TNRC6B: variants seen among roughly 807,000 people sequenced by gnomAD.
TNRC6B encodes trinucleotide repeat-containing gene 6B protein.
A neutral mutation model predicts 203.6 loss-of-function variants in TNRC6B; 52 were observed. That is an observed-to-expected ratio of 0.26 (90% CI 0.20 to 0.32). The LOEUF is 0.32. TNRC6B is among the 10% of genes least tolerant of loss of function. The pLI is 1.00. For synonymous variants in TNRC6B, 838 were observed against 845.7 expected, an observed-to-expected ratio of 0.99 and a Z score of 0.16; for missense variants, 1,923 against 2,286.2, an observed-to-expected ratio of 0.84 and a Z score of 3.24.
rs984655237 is a variant in TNRC6B, at chr22:40,334,305, G to T, written c.*11064G>T. On this transcript the variant is annotated 3_prime_UTR_variant, in exon 23 of 23. Transcript: ENST00000454349. ...ACCGTGAATGTGCTCACAGAGACACGTGCACAAGATTCTGCACCCTTGGCC... is the reference window on the plus strand; with the variant it reads ...ACCGTGAATGTGCTCACAGAGACACTTGCACAAGATTCTGCACCCTTGGCC... 6.6e-6 allele frequency: 1 copy of T among 152,570 alleles called. No homozygotes were observed. Among genetic ancestry groups the T allele is most frequent in the Non-Finnish European group, 1.5e-5 (1 of 68,052 alleles). The allele number at this position is 152,570 out of a possible 1,614,324, so 9.5% of individuals were successfully genotyped here. A position where few individuals can be genotyped will look rare whatever the true frequency, so the allele number is the denominator to read the frequency against.
chr22:40,265,044 A>C lies in TNRC6B; in HGVS notation c.814A>C (p.Asn272His). The stretch of plus-strand genomic sequence containing the variant: ...TAAGGCTAAATCTGTTCAATCTTCC[A>C]ACTCTACTACAGAGAACAACAATGG... The part of the protein sequence containing the change: ...DPKAKSVQSS[N>H]STTENNNGLG... Residue 272 changes from asparagine (N) to histidine (H), a missense_variant, in exon 5 of 23, where the codon AAC becomes CAC. Asn to His is a moderately conservative substitution (Grantham distance 68, BLOSUM62 1). Transcript: ENST00000454349. 6.2e-7 allele frequency: 1 copy of C among 1,614,026 alleles called. No individual in the cohort carries two copies. Among genetic ancestry groups the C allele is most frequent in the Non-Finnish European group, 8.5e-7 (1 of 1,179,886 alleles).
Position 40,245,981 on chromosome 22 carries a change from T to G in TNRC6B, c.6-34T>G, listed in dbSNP as rs774492324. The G allele has an allele frequency of 8.7e-6, 13 of 1,496,714 alleles. No homozygotes were observed. In the South Asian group the frequency reaches 1.7e-4, roughly 19 times the overall value. 92.7% of individuals were successfully genotyped at this position (1,496,714 alleles called of 1,614,324 possible). A position where few individuals can be genotyped will look rare whatever the true frequency, so the allele number is the denominator to read the frequency against. ...TGCGGAAATGGATTGTGAATGTAGA[T>G]GTATAACCTTCTGTTATGATGTTAC... On this transcript the variant is annotated intron_variant, in intron 1 of 22. Coordinates refer to ENST00000454349, the MANE Select transcript of TNRC6B (RefSeq NM_001162501.2).
At chr22:40,108,429 T>C (rs1260474188) in intron 1 of TNRC6B, among the ~76,000 whole-genome samples, 2 of 152,224 alleles carry the variant, frequency 1.3e-5, no homozygotes, top group African/African-American at 4.8e-5. Context: ...AGCCACACAT[T>C]TCCTTCTTGC....
At chr22:40,197,487 C>T (rs1179279152) in intron 1 of TNRC6B, among the ~76,000 whole-genome samples, 2 of 151,918 alleles carry the variant, frequency 1.3e-5, no homozygotes, top group Non-Finnish European at 2.9e-5. Flanking sequence ...CGGGGTTTCA[C>T]TATGTTGGCC....
rs768144649 is a variant in TNRC6B at position 40,315,529 on chromosome 22, G to T, written c.4903+22G>T. On this transcript the variant is annotated intron_variant, in intron 20 of 22. Transcript: ENST00000454349. ...TCGGGTGAGGAGGATCTGCCTAAAG[G>T]AACACCATTGTTCATCCACAAGGGG... 7 of 1,610,330 alleles carry T rather than the reference G, an allele frequency of 4.3e-6. No homozygotes were observed. In the South Asian group the frequency reaches 6.6e-5, roughly 15 times the overall value.
At chr22:40,283,984 G>A (rs968538253) in intron 11 of TNRC6B, among the ~76,000 whole-genome samples, 1 of 152,216 alleles carries the variant, frequency 6.6e-6, no homozygotes, top group Non-Finnish European at 1.5e-5. Context: ...TGATGATAAA[G>A]TGAGAAAGAT....
intron 12 of TNRC6B, among the ~76,000 whole-genome samples, chr22:40,295,305 G>A (rs957658043): frequency 8.5e-5 from 13 of 152,068 alleles, no homozygotes; most frequent in East Asian, 1.9e-4. Flanking sequence ...GTGAAACCCC[G>A]TCTCTATTAA....
At chr22:40,082,668 G>A (rs999231409) in intron 1 of TNRC6B, among the ~76,000 whole-genome samples, 2 of 152,188 alleles carry the variant, frequency 1.3e-5, no homozygotes, top group Non-Finnish European at 2.9e-5. Flanking sequence ...AGAGACCAAT[G>A]GGGAAGCTAT....
At chr22:40,126,090 G>C (rs2068490890) in intron 3 of TNRC6B, among the ~76,000 whole-genome samples, 1 of 151,926 alleles carries the variant, frequency 6.6e-6, no homozygotes, top group Admixed American at 6.6e-5. Context: ...TTTATTTTTA[G>C]AACACTAATA....
In TNRC6B at chr22:40,327,925, A is replaced by G. The variant is rs1309697960; in HGVS notation, c.*4684A>G. 2.0e-5 allele frequency: 3 copies of G among 152,184 alleles called. No individual in the cohort carries two copies. The highest frequency in any genetic ancestry group is 7.2e-5 in the African/African-American group (3 of 41,428). The allele number at this position is 152,184 out of a possible 1,614,324, so 9.4% of individuals were successfully genotyped here. On this transcript the variant is annotated 3_prime_UTR_variant, in exon 23 of 23. Coordinates refer to ENST00000454349, the MANE Select transcript of TNRC6B (RefSeq NM_001162501.2). ...GTGTGTACATCTCCTGAACATCACA[A>G]ACTTGGTTTCTACCTACCACACGAG...
chr22:40,293,190 CT>C (rs748230080), intron 12 of TNRC6B, among the ~76,000 whole-genome samples: 179 of 79,448 alleles, frequency 2.3e-3, no homozygotes, highest in African/African-American at 5.4e-3. Context: ...ATATCCTTTT[CT>C]TTTTTTTTTT....
At chr22:40,146,830 G>T (rs532711296) in intron 3 of TNRC6B, among the ~76,000 whole-genome samples, 1 of 152,262 alleles carries the variant, frequency 6.6e-6, no homozygotes, top group African/African-American at 2.4e-5. Flanking sequence ...CTCCCAAAGG[G>T]CTGGGATTAC....
rs2071365321 is a variant in TNRC6B, at chr22:40,323,470, C to T, written c.*229C>T. On this transcript the variant is annotated 3_prime_UTR_variant, in exon 23 of 23. Coordinates refer to ENST00000454349, the MANE Select transcript of TNRC6B (RefSeq NM_001162501.2). ...ATGAATCCAAAAAGAGAACATATCA[C>T]TCTTGAAATACTTGAATCATGAACG... The T allele has an allele frequency of 4.5e-6, 2 of 441,754 alleles. No homozygotes were observed. Among genetic ancestry groups the T allele is most frequent in the South Asian group, 3.7e-5 (1 of 27,246 alleles). 27.4% of individuals were successfully genotyped at this position (441,754 alleles called of 1,614,324 possible). A position where few individuals can be genotyped will look rare whatever the true frequency, so the allele number is the denominator to read the frequency against.
In TNRC6B at chr22:40,323,436, G is replaced by A. The variant is rs1160076780; in HGVS notation, c.*195G>A. 2.0e-5 allele frequency: 12 copies of A among 587,994 alleles called. No individual in the cohort carries two copies. The highest frequency in any genetic ancestry group is 3.3e-5 in the East Asian group (1 of 30,132). 36.4% of individuals were successfully genotyped at this position (587,994 alleles called of 1,614,324 possible). Reference sequence around the variant, plus strand: ...CCTCCCTTATAACTTCAGTTTTTTCGTTTGGAATATGAATCCAAAAAGAGA... The same window carrying A: ...CCTCCCTTATAACTTCAGTTTTTTCATTTGGAATATGAATCCAAAAAGAGA... On this transcript the variant is annotated 3_prime_UTR_variant, in exon 23 of 23. Coordinates refer to ENST00000454349, the MANE Select transcript of TNRC6B (RefSeq NM_001162501.2).
chr22:40,319,422 CTTTTT>C (rs374148213), intron 21 of TNRC6B, among the ~76,000 whole-genome samples: 1 of 112,710 alleles, frequency 8.9e-6, no homozygotes, highest in Admixed American at 8.5e-5. Context: ...CTTTTCTTTT[CTTTTT>C]TTTTTTTTTT....
intron 1 of TNRC6B, among the ~76,000 whole-genome samples, chr22:40,183,181 A>G (rs1393016919): frequency 2.0e-5 from 3 of 152,128 alleles, no homozygotes; most frequent in East Asian, 3.9e-4. Flanking sequence ...GGGATAATAT[A>G]TTGTTGCGAC....
chr22:40,063,927 T>A (rs911300303), intron 1 of TNRC6B, among the ~76,000 whole-genome samples: 1 of 152,198 alleles, frequency 6.6e-6, no homozygotes, highest in African/African-American at 2.4e-5. Context: ...GGTCTCGAAC[T>A]CCTGGGCTCG....
intron 1 of TNRC6B, among the ~76,000 whole-genome samples, chr22:40,070,194 G>A (rs548331212): frequency 1.3e-5 from 2 of 152,106 alleles, no homozygotes; most frequent in Non-Finnish European, 2.9e-5. Flanking sequence ...TCATTTATTC[G>A]TATAATAAAA....
intron 1 of TNRC6B, among the ~76,000 whole-genome samples, chr22:40,213,880 T>C (rs1029996750): frequency 1.3e-5 from 2 of 152,136 alleles, no homozygotes; most frequent in African/African-American, 4.8e-5. Context: ...CTCGGGTTCA[T>C]ATGACAAATA....
Sources: gnomAD v4.1 joint callset for allele counts (sites outside exome capture counted in the v4.1 genomes callset) on GRCh38, gnomAD v4.1.1 for gene constraint, MANE v1.5 for transcripts, NCBI Gene and HGNC (gene_info 2026-07-23, HGNC 2026-07-21) for gene names.